ZNF76: variants seen among roughly 807,000 people sequenced by gnomAD.
The protein encoded by ZNF76 is zinc finger protein 523.
Under a neutral mutation model 66.9 loss-of-function variants are expected in ZNF76, and 66 were observed. The observed-to-expected ratio is 0.99, with a 90% CI of 0.81 to 1.21. The LOEUF is 1.21. Ranked by LOEUF, ZNF76 falls within the 50% of genes most tolerant of loss-of-function variation. The probability of loss-of-function intolerance (pLI) is 0.00; values close to 1 mark genes in which losing one functional copy is unlikely to be tolerated. For missense variants in ZNF76, 729 were observed against 760.3 expected, an observed-to-expected ratio of 0.96 and a Z score of 0.48; for synonymous variants, 275 against 296.1, an observed-to-expected ratio of 0.93 and a Z score of 0.73.
intron 2 of ZNF76, among the ~76,000 whole-genome samples, chr6:35,283,585 G>T (rs974670348): frequency 2.6e-5 from 4 of 152,298 alleles, no homozygotes; most frequent in African/African-American, 9.6e-5. Context: ...TTGTCAGTCA[G>T]CTGTTCTCCC....
chr6:35,292,063 G>A lies in ZNF76; in HGVS notation c.931+326G>A, dbSNP rs1015320477. ...CAGGGTCAGGAATGATGGGGAAGAA[G>A]CAGAGTGAACTGTCACCTTCAACTC... is the stretch of plus-strand genomic sequence containing the variant. On this transcript the variant is annotated intron_variant, in intron 9 of 13. Transcript: ENST00000373953. This position sits in a 1 kb window ranked among gnomAD's most constrained non-coding sequence, Gnocchi z 4.7. 1.9e-5 allele frequency: 9 copies of A among 468,460 alleles called. No individual in the cohort carries two copies. The highest frequency in any genetic ancestry group is 1.8e-4 in the African/African-American group (9 of 51,100). The allele number at this position is 468,460 out of a possible 1,614,324, so 29.0% of individuals were successfully genotyped here. A position where few individuals can be genotyped will look rare whatever the true frequency, so the allele number is the denominator to read the frequency against.
intron 1 of ZNF76, among the ~76,000 whole-genome samples, chr6:35,271,873 T>C (rs1787116891): frequency 6.6e-6 from 1 of 152,092 alleles, no homozygotes. Context: ...GAGGATCACT[T>C]GATCCTGGGA....
At chr6:35,293,181 A>T in intron 11 of ZNF76, 137 bp downstream of exon 11, 1 of 1,029,238 alleles carries the variant, frequency 9.7e-7, no homozygotes, top group Non-Finnish European at 1.4e-6. Context: ...TCAGAGGCTG[A>T]GGCTGAGGAG....
intron 2 of ZNF76, among the ~76,000 whole-genome samples, chr6:35,285,101 G>A (rs540360424): frequency 2.4e-4 from 36 of 152,294 alleles, no homozygotes; most frequent in African/African-American, 7.7e-4. Flanking sequence ...AGGAAGGGTC[G>A]TCTAGTTCTA....
At chr6:35,286,064 A>G in intron 2 of ZNF76, 64 bp from the exon 3 acceptor site, 1 of 1,483,760 alleles carries the variant, frequency 6.7e-7, no homozygotes, top group Non-Finnish European at 9.4e-7. Flanking sequence ...AGCTAAAAAC[A>G]GGCAGGCGTT....
At chr6:35,273,789 C>A (rs1334380327) in intron 1 of ZNF76, among the ~76,000 whole-genome samples, 2 of 150,546 alleles carry the variant, frequency 1.3e-5, no homozygotes, top group Admixed American at 6.6e-5. Flanking sequence ...CTCCTGGGCT[C>A]AAGGGATCCT....
At chr6:35,265,534 A>G (rs1785904618) in intron 1 of ZNF76, among the ~76,000 whole-genome samples, 1 of 151,814 alleles carries the variant, frequency 6.6e-6, no homozygotes, top group African/African-American at 2.4e-5. Flanking sequence ...AAGAAGAAGA[A>G]GAAGAAAATG....
chr6:35,277,910 A>T (rs1229122052), intron 1 of ZNF76, among the ~76,000 whole-genome samples: 1 of 152,106 alleles, frequency 6.6e-6, no homozygotes, highest in African/African-American at 2.4e-5. Context: ...CCCAGGCTGG[A>T]GTGCAGTGGT....
Position 35,292,999 on chromosome 6 carries a change from T to C in ZNF76, c.1284T>C (p.Asp428=). The part of the protein sequence containing the change: ...PAQVAMVTEE[D]GAPQVALITQ... ...AGGTGGCGATGGTGACTGAAGAAGA[T>C]GGGGCCCCCCAGGTGGCTCTGATCA... Residue 428 remains aspartate, a synonymous_variant, in exon 11 of 14, where the codon GAT becomes GAC. Transcript: ENST00000373953. This position sits in a 1 kb window ranked among gnomAD's most constrained non-coding sequence, Gnocchi z 4.7. 1 of 1,614,080 alleles carries C rather than the reference T, an allele frequency of 6.2e-7. No homozygotes were observed. The highest frequency in any genetic ancestry group is 8.5e-7 in the Non-Finnish European group (1 of 1,180,012).
Position 35,295,583 on chromosome 6 carries a change from A to G in ZNF76, c.*335A>G, listed in dbSNP as rs1241922506. ...AGTCTGTTCCCCTTCTCAGGTAGAG[A>G]TTGGGGCTGCTATGGGGACTGGCCC... is the stretch of plus-strand genomic sequence containing the variant. On this transcript the variant is annotated 3_prime_UTR_variant, in exon 14 of 14. Transcript: ENST00000373953. 2 of 364,332 alleles carry G rather than the reference A, an allele frequency of 5.5e-6. No individual in the cohort carries two copies. Among genetic ancestry groups the G allele is most frequent in the Non-Finnish European group, 1.1e-5 (2 of 185,512 alleles). 22.6% of individuals were successfully genotyped at this position (364,332 alleles called of 1,614,324 possible).
intron 1 of ZNF76, among the ~76,000 whole-genome samples, chr6:35,280,058 T>C (rs1788530757): frequency 6.6e-6 from 1 of 151,206 alleles, no homozygotes; most frequent in South Asian, 2.1e-4. Flanking sequence ...CTTGAACTCC[T>C]AGCCTCAAAT....
At chr6:35,264,168 G>A (rs755915781) in intron 1 of ZNF76, among the ~76,000 whole-genome samples, 9 of 152,214 alleles carry the variant, frequency 5.9e-5, no homozygotes, top group Non-Finnish European at 1.2e-4. Context: ...AAAAGTAAAA[G>A]CAGTTCATGT....
chr6:35,288,306 G>C (rs1307271136), intron 5 of ZNF76: 1 of 368,596 alleles, frequency 2.7e-6, no homozygotes, highest in East Asian at 7.3e-5. Flanking sequence ...ACCTCAGTGG[G>C]CTATGACAAG....
chr6:35,286,489 C>A, intron 4 of ZNF76, 90 bp downstream of exon 4: 1 of 1,226,608 alleles, frequency 8.2e-7, no homozygotes, highest in Non-Finnish European at 1.2e-6. Flanking sequence ...TGGCACACAA[C>A]TGGGGTGTAG....
chr6:35,273,271 C>T (rs1223787277), intron 1 of ZNF76, among the ~76,000 whole-genome samples: 1 of 151,366 alleles, frequency 6.6e-6, no homozygotes, highest in Non-Finnish European at 1.5e-5. Context: ...CTCCCAGGTT[C>T]AAGCGATTAT....
intron 13 of ZNF76, 90 bp from the exon 14 acceptor site, chr6:35,295,053 CA>C (rs113114842): frequency 0.028 from 21,682 of 779,624 alleles, 38 homozygotes; most frequent in Middle Eastern, 0.046. Context: ...GGGGGAGAGT[CA>C]AAAAAAAAAG....
chr6:35,266,940 A>G (rs976269480), intron 1 of ZNF76, among the ~76,000 whole-genome samples: 61 of 150,792 alleles, frequency 4.0e-4, no homozygotes, highest in African/African-American at 1.5e-3. Context: ...AGCTGGGACT[A>G]CAGGTGCCCA....
Position 35,280,529 on chromosome 6 carries a change from C to T in ZNF76, c.-96-527C>T, listed in dbSNP as rs867116169. On this transcript the variant is annotated intron_variant, in intron 1 of 13. Transcript: ENST00000373953. ...ACTCAAGCATGATCCCCCCCCCCCC[C>T]GCCCTGAAGTTCTGGGTGGAAGGCG... Among the ~76,000 whole-genome samples the T allele has an allele frequency of 7.4e-4, 94 of 127,260 alleles. 2 individuals carry two copies. The highest frequency in any genetic ancestry group is 6.7e-3 in the South Asian group (21 of 3,124). The allele number at this position is 127,260 out of a possible 152,430, so 83.5% of individuals were successfully genotyped here. A position where few individuals can be genotyped will look rare whatever the true frequency, so the allele number is the denominator to read the frequency against.
Position 35,295,893 on chromosome 6 carries a change from T to C in ZNF76, c.*645T>C, listed in dbSNP as rs900251160. ...TGGGGATTGGGTTTGATTTGTTTTGTTTTTTTTAATTCCATTTTGATAATT... is the reference window on the plus strand; with the variant it reads ...TGGGGATTGGGTTTGATTTGTTTTGCTTTTTTTAATTCCATTTTGATAATT... On this transcript the variant is annotated 3_prime_UTR_variant, in exon 14 of 14. Coordinates refer to ENST00000373953, the MANE Select transcript of ZNF76 (RefSeq NM_003427.5). 1 of 149,682 alleles carries C rather than the reference T, an allele frequency of 6.7e-6. No individual in the cohort carries two copies. The highest frequency in any genetic ancestry group is 2.6e-5 in the African/African-American group (1 of 38,564). The allele number at this position is 149,682 out of a possible 1,614,324, so 9.3% of individuals were successfully genotyped here.
Sources: allele counts gnomAD v4.1 joint callset (sites outside exome capture counted in the v4.1 genomes callset), GRCh38; gene constraint gnomAD v4.1.1; non-coding constraint Gnocchi (gnomAD v3.1); transcripts MANE v1.5; gene names NCBI Gene and HGNC (gene_info 2026-07-23, HGNC 2026-07-21).